The following ZNF609 variants were observed in gnomAD, a reference collection of about 807,000 sequenced individuals.
The protein encoded by ZNF609 is zinc finger protein 609.
In ZNF609, 11 loss-of-function variants were observed where a neutral mutation model predicts 109.5. That is an observed-to-expected ratio of 0.10 (90% confidence interval 0.06 to 0.17). ZNF609 has a LOEUF of 0.17. ZNF609 is among the 10% of genes least tolerant of loss of function. ZNF609 has a pLI of 1.00. For synonymous variants in ZNF609, 646 were observed against 662.0 expected (o/e 0.98, Z 0.37); for missense variants, 1,559 against 1,772.4 (o/e 0.88, Z 2.16).
chr15:64,602,796 C>T (rs1287212857), intron 2 of ZNF609, among the ~76,000 whole-genome samples: 1 of 142,670 alleles, frequency 7.0e-6, no homozygotes, highest in African/African-American at 2.6e-5. Flanking sequence ...GATCTCGGCT[C>T]ACTGCAAGCT....
At chr15:64,536,723 AC>A (rs34575004) in intron 2 of ZNF609, among the ~76,000 whole-genome samples, 57,769 of 125,318 alleles carry the variant, frequency 0.46, 12,484 homozygotes, top group East Asian at 0.85. Flanking sequence ...CTAAAATTCC[AC>A]CCCCCCCCCC....
At chr15:64,663,611 AAGATGCTGAGG>A (rs1165703642) in intron 3 of ZNF609, among the ~76,000 whole-genome samples, 1 of 152,174 alleles carries the variant, frequency 6.6e-6, no homozygotes, top group Non-Finnish European at 1.5e-5. Context: ...GTACCAGCAA[AAGATGCTGAGG>A]AATGACCAGA....
At chr15:64,511,377 A>C (rs1028678926) in intron 2 of ZNF609, among the ~76,000 whole-genome samples, 1 of 148,794 alleles carries the variant, frequency 6.7e-6, no homozygotes, top group Non-Finnish European at 1.5e-5. Flanking sequence ...GCTACTTGGG[A>C]GGTTGAGGCA....
At chr15:64,666,306 A>G (rs903639921) in intron 3 of ZNF609, among the ~76,000 whole-genome samples, 3 of 152,020 alleles carry the variant, frequency 2.0e-5, no homozygotes, top group African/African-American at 7.2e-5. Context: ...AGGCACAAGA[A>G]TTGCTTGAAC....
intron 1 of ZNF609, among the ~76,000 whole-genome samples, chr15:64,473,191 CTTTTT>C (rs951319279): frequency 2.4e-4 from 18 of 76,074 alleles, no homozygotes; most frequent in African/African-American, 9.1e-4. Flanking sequence ...ATATTTGGTT[CTTTTT>C]TTTTTTTTTT....
intron 2 of ZNF609, among the ~76,000 whole-genome samples, chr15:64,564,917 C>A (rs374592789): frequency 6.6e-6 from 1 of 150,658 alleles, no homozygotes; most frequent in Admixed American, 6.6e-5. Context: ...GTGCGATCTC[C>A]GCTCACTGCA....
At chr15:64,604,363 T>G (rs1285779477) in intron 2 of ZNF609, among the ~76,000 whole-genome samples, 1 of 152,206 alleles carries the variant, frequency 6.6e-6, no homozygotes, top group Non-Finnish European at 1.5e-5. Flanking sequence ...GTGCCTTGAT[T>G]TCTTCAAGGT....
At chr15:64,649,026 A>G (rs1293059496) in intron 3 of ZNF609, among the ~76,000 whole-genome samples, 3 of 152,178 alleles carry the variant, frequency 2.0e-5, no homozygotes, top group Non-Finnish European at 4.4e-5. Flanking sequence ...CAAGACATAC[A>G]TAAGAGAAAG....
intron 4 of ZNF609, among the ~76,000 whole-genome samples, chr15:64,673,689 A>G (rs996948131): frequency 6.6e-6 from 1 of 152,204 alleles, no homozygotes; most frequent in African/African-American, 2.4e-5. Context: ...ATCTTACGGA[A>G]CAGATTCTGC....
chr15:64,471,945 C>T (rs1893097707), intron 1 of ZNF609, among the ~76,000 whole-genome samples: 1 of 150,426 alleles, frequency 6.6e-6, no homozygotes, highest in African/African-American at 2.5e-5. Flanking sequence ...GAGTCTTGCT[C>T]TGTCACCCAG....
intron 2 of ZNF609, among the ~76,000 whole-genome samples, chr15:64,583,070 G>T (rs2140428482): frequency 6.6e-6 from 1 of 151,360 alleles, no homozygotes; most frequent in Middle Eastern, 3.4e-3. Context: ...GTCTTGCTCT[G>T]TTGCCCAGGC....
chr15:64,471,687 G>A (rs1025312155), intron 1 of ZNF609, among the ~76,000 whole-genome samples: 3 of 152,154 alleles, frequency 2.0e-5, no homozygotes, highest in Non-Finnish European at 4.4e-5. Context: ...GGTTTCAGGC[G>A]ATTCTCCTGC....
At chr15:64,593,772 C>T (rs1340937000) in intron 2 of ZNF609, among the ~76,000 whole-genome samples, 1 of 152,148 alleles carries the variant, frequency 6.6e-6, no homozygotes, top group Non-Finnish European at 1.5e-5. Flanking sequence ...TCAAGTGATC[C>T]ACCTGCCTAC....
Position 64,685,338 on chromosome 15 carries a change from C to G in ZNF609, c.*3652C>G, listed in dbSNP as rs1362042982. On this transcript the variant is annotated 3_prime_UTR_variant, in exon 10 of 10. Transcript: ENST00000326648. Reference sequence around the variant, plus strand: ...TGCCTCTTCCTTCCTCCCAATTTTCCTGTTCTCCCTCAGCTCTCCTGATCT... The same window carrying G: ...TGCCTCTTCCTTCCTCCCAATTTTCGTGTTCTCCCTCAGCTCTCCTGATCT... 6.6e-6 allele frequency: 1 copy of G among 152,666 alleles called. No individual in the cohort carries two copies. The highest frequency in any genetic ancestry group is 2.4e-5 in the African/African-American group (1 of 41,432). 9.5% of individuals were successfully genotyped at this position (152,666 alleles called of 1,614,324 possible).
chr15:64,541,786 G>A (rs537773996), intron 2 of ZNF609, among the ~76,000 whole-genome samples: 4 of 142,374 alleles, frequency 2.8e-5, no homozygotes, highest in African/African-American at 1.1e-4. Context: ...CTTGCAGTGA[G>A]CCGAGATCGT....
chr15:64,610,162 C>T (rs2140959744), intron 2 of ZNF609, among the ~76,000 whole-genome samples: 1 of 152,164 alleles, frequency 6.6e-6, no homozygotes, highest in East Asian at 1.9e-4. Context: ...CATAGGGAGA[C>T]CCCCATCTTT....
chr15:64,649,396 A>ACT (rs145430268), intron 3 of ZNF609, among the ~76,000 whole-genome samples: 1 of 150,424 alleles, frequency 6.6e-6, no homozygotes, highest in Non-Finnish European at 1.5e-5. Flanking sequence ...ACACTCTCAC[A>ACT]CTCTCTCTCA....
chr15:64,651,193 T>G (rs914217101), intron 3 of ZNF609, among the ~76,000 whole-genome samples: 17 of 152,244 alleles, frequency 1.1e-4, no homozygotes, highest in Middle Eastern at 3.4e-3. Context: ...TGAAAAGAAA[T>G]TATACCTTAT....
intron 3 of ZNF609, among the ~76,000 whole-genome samples, chr15:64,625,697 T>C (rs1895942572): frequency 1.3e-5 from 2 of 151,268 alleles, no homozygotes; most frequent in Non-Finnish European, 2.9e-5. Flanking sequence ...GAGACCATCC[T>C]GGCTAACATG....
Sources: allele counts gnomAD v4.1 joint callset (sites outside exome capture counted in the v4.1 genomes callset), GRCh38; gene constraint gnomAD v4.1.1; transcripts MANE v1.5; gene names NCBI Gene and HGNC (gene_info 2026-07-23, HGNC 2026-07-21).